Variants in ECT2L observed in about 807,000 individuals in gnomAD.
ECT2L encodes the protein epithelial cell transforming 2 like, also known as epithelial cell-transforming sequence 2 oncogene-like.
ECT2L carries 126 observed loss-of-function variants against 122.8 expected under a neutral mutation model. The ratio of observed to expected loss-of-function variants is 1.03; its 90% CI spans 0.89 to 1.19. ECT2L has a LOEUF of 1.19. Among genes scored for constraint, ECT2L ranks in the 50% most tolerant of loss-of-function variants. The pLI, the probability that ECT2L is intolerant of heterozygous loss-of-function variation, is 0.00. For missense variants in ECT2L, 1,012 were observed against 1,064.1 expected (o/e 0.95, Z 0.68); for synonymous variants, 385 against 381.8 (o/e 1.01, Z -0.10).
intron 7 of ECT2L, 109 bp from the exon 8 acceptor site, chr6:138,846,430 C>T (rs1777221637): frequency 5.7e-6 from 6 of 1,044,086 alleles, no homozygotes; most frequent in African/African-American, 1.6e-5. Context: ...GGCATGGAGG[C>T]CACGTGCCTT....
In ECT2L at chr6:138,880,973, A is replaced by C; in HGVS notation, c.1682A>C (p.Lys561Thr). 1.2e-6 allele frequency: 2 copies of C among 1,613,988 alleles called. No individual in the cohort carries two copies. Among genetic ancestry groups the C allele is most frequent in the Non-Finnish European group, 1.7e-6 (2 of 1,179,870 alleles). Residue 561 changes from lysine (K) to threonine (T), a missense_variant, in exon 15 of 22, where the codon AAG (lysine) becomes ACG (threonine). Lys to Thr is a moderately conservative substitution (Grantham distance 78). Coordinates refer to ENST00000541398, the MANE Select transcript of ECT2L (RefSeq NM_001077706.3). ...TCTCTACAGGAGAGAATACTCCAGA[A>C]GGACTCAGCAGAAAAGCGAGCTAGA... ...ALINLERILQ[K>T]DSAEKRARVV...
At chr6:138,832,028 A>AT (rs201203873) in intron 4 of ECT2L, among the ~76,000 whole-genome samples, 8,862 of 128,342 alleles carry the variant, frequency 0.069, 370 homozygotes, top group East Asian at 0.31. Flanking sequence ...AATGTCTTCA[A>AT]TTTTTTTTAT....
chr6:138,824,356 TAA>T (rs951916021), intron 4 of ECT2L, among the ~76,000 whole-genome samples: 1 of 151,650 alleles, frequency 6.6e-6, no homozygotes, highest in African/African-American at 2.4e-5. Flanking sequence ...AACAGATTAT[TAA>T]AGAGGTTCAT....
At chr6:138,842,697 G>A (rs184200126) in intron 5 of ECT2L, among the ~76,000 whole-genome samples, 249 of 147,990 alleles carry the variant, frequency 1.7e-3, no homozygotes, top group African/African-American at 5.9e-3. Flanking sequence ...GCATGAACCC[G>A]GGAGGCGGAG....
intron 10 of ECT2L, among the ~76,000 whole-genome samples, chr6:138,857,631 T>C (rs952017987): frequency 6.6e-6 from 1 of 152,068 alleles, no homozygotes; most frequent in Admixed American, 6.6e-5. Context: ...AAATACTCCT[T>C]CTCTTGGTGT....
chr6:138,806,380 C>A (rs1318849613), intron 1 of ECT2L, among the ~76,000 whole-genome samples: 2 of 152,052 alleles, frequency 1.3e-5, no homozygotes, highest in Non-Finnish European at 2.9e-5. Flanking sequence ...ACAGGTCCTT[C>A]TCTGCTTTGG....
chr6:138,902,446 C>T, intron 21 of ECT2L, 54 bp from the exon 22 acceptor site: 1 of 1,527,088 alleles, frequency 6.5e-7, no homozygotes, highest in South Asian at 1.2e-5. Flanking sequence ...CATTTTTTCT[C>T]ATTTTGATTG....
At chr6:138,845,790 G>T (rs577491133) in intron 7 of ECT2L, among the ~76,000 whole-genome samples, 7 of 152,262 alleles carry the variant, frequency 4.6e-5, no homozygotes, top group African/African-American at 1.7e-4. Flanking sequence ...ATTTTAAGAG[G>T]TCAGGCATGA....
intron 13 of ECT2L, among the ~76,000 whole-genome samples, chr6:138,869,238 T>C (rs551556806): frequency 2.0e-5 from 3 of 152,320 alleles, no homozygotes; most frequent in South Asian, 4.1e-4. Flanking sequence ...AGAATGGAGA[T>C]AGGGCTGCTG....
intron 1 of ECT2L, among the ~76,000 whole-genome samples, chr6:138,809,617 C>G (rs1775824503): frequency 6.6e-6 from 1 of 151,866 alleles, no homozygotes; most frequent in Non-Finnish European, 1.5e-5. Flanking sequence ...TTATATATTA[C>G]TGAGTTTGGT....
At chr6:138,897,659 T>TA (rs1263024383) in intron 20 of ECT2L, among the ~76,000 whole-genome samples, 1 of 152,216 alleles carries the variant, frequency 6.6e-6, no homozygotes, top group Non-Finnish European at 1.5e-5. Flanking sequence ...TTTTTCTAGA[T>TA]AAAAATTATA....
chr6:138,817,060 T>C (rs1303193876), intron 4 of ECT2L, among the ~76,000 whole-genome samples: 1 of 152,254 alleles, frequency 6.6e-6, no homozygotes, highest in Non-Finnish European at 1.5e-5. Flanking sequence ...TATGTGGTCT[T>C]TTGTGACTGG....
intron 4 of ECT2L, among the ~76,000 whole-genome samples, chr6:138,827,116 A>G (rs1000600200): frequency 6.6e-6 from 1 of 152,196 alleles, no homozygotes; most frequent in Non-Finnish European, 1.5e-5. Context: ...TGGGAGGCCA[A>G]CGTGGGCGGA....
At chr6:138,819,165 G>A (rs1363758573) in intron 4 of ECT2L, among the ~76,000 whole-genome samples, 1 of 151,768 alleles carries the variant, frequency 6.6e-6, no homozygotes, top group Non-Finnish European at 1.5e-5. Flanking sequence ...TGCATGGGCT[G>A]GTTAAGGATA....
At chr6:138,868,419 A>T (rs1778128563) in intron 13 of ECT2L, among the ~76,000 whole-genome samples, 2 of 152,038 alleles carry the variant, frequency 1.3e-5, no homozygotes, top group South Asian at 4.1e-4. Context: ...CTTCTAGGTT[A>T]TTTAAAGTTT....
intron 5 of ECT2L, among the ~76,000 whole-genome samples, chr6:138,841,422 C>T (rs946974795): frequency 4.6e-5 from 7 of 152,150 alleles, no homozygotes; most frequent in Non-Finnish European, 1.0e-4. Flanking sequence ...CCTACAAATC[C>T]AGTCAAGGAA....
Position 138,880,897 on chromosome 6 carries a change from T to C in ECT2L, c.1666-60T>C. ...CAAGGGGGGTCTCCGTGTAGCTGCC[T>C]GACTGCTCAGCACTTCTACTTCTCC... On this transcript the variant is annotated intron_variant, in intron 14 of 21. Transcript: ENST00000541398. 7 of 1,487,616 alleles carry C rather than the reference T, an allele frequency of 4.7e-6. No homozygotes were observed. In the South Asian group the frequency reaches 5.9e-5, roughly 12 times the overall value. The allele number at this position is 1,487,616 out of a possible 1,614,324, so 92.2% of individuals were successfully genotyped here.
At chr6:138,853,180 C>A (rs564582058) in intron 9 of ECT2L, among the ~76,000 whole-genome samples, 312 of 152,268 alleles carry the variant, frequency 2.0e-3, no homozygotes, top group African/African-American at 7.1e-3. Flanking sequence ...ATTGGCCAGG[C>A]TGATCTCAAA....
chr6:138,835,987 G>C (rs982605365), intron 4 of ECT2L, among the ~76,000 whole-genome samples: 1 of 151,928 alleles, frequency 6.6e-6, no homozygotes, highest in Non-Finnish European at 1.5e-5. Context: ...AATGACCCTC[G>C]ATTTCTGGTT....
Sources: gnomAD v4.1 joint callset for allele counts (sites outside exome capture counted in the v4.1 genomes callset) on GRCh38, gnomAD v4.1.1 for gene constraint, MANE v1.5 for transcripts, NCBI Gene and HGNC (gene_info 2026-07-23, HGNC 2026-07-21) for gene names.